Variants in NPSR1 observed in about 807,000 individuals in gnomAD.
The protein encoded by NPSR1 is neuropeptide S receptor 1, also known as neuropeptide S receptor.
In NPSR1, 48 loss-of-function variants were observed where a neutral mutation model predicts 46.9. That is an observed-to-expected ratio of 1.02 (90% CI 0.81 to 1.30). NPSR1 has a LOEUF of 1.30. Among genes scored for constraint, NPSR1 ranks in the 50% most tolerant of loss-of-function variants. NPSR1 has a pLI of 0.00. For synonymous variants in NPSR1, 176 were observed against 168.1 expected (o/e 1.05, Z -0.36); for missense variants, 450 against 449.5 (o/e 1.00, Z -0.01).
Position 34,870,665 on chromosome 7 carries a change from G to A in NPSR1, c.1026-7411G>A, listed in dbSNP as rs143749214. 1.2e-4 allele frequency among the ~76,000 whole-genome samples: 18 copies of A among 151,904 alleles called. No individual in the cohort carries two copies. In the South Asian group the frequency reaches 1.2e-3, roughly 10 times the overall value. The stretch of plus-strand genomic sequence containing the variant: ...GGAAGATATGAGCCACAAGCATGGG[G>A]ATCCCTAGACTGAATTTGCTCAGAA... On this transcript the variant is annotated intron_variant, in intron 8 of 8. Coordinates refer to the NPSR1 transcript ENST00000359791.
chr7:34,820,251 C>A (rs1015995638), intron 4 of NPSR1, among the ~76,000 whole-genome samples: 1 of 152,106 alleles, frequency 6.6e-6, no homozygotes, highest in African/African-American at 2.4e-5. Context: ...AAGTGGTATG[C>A]ATTGGATATG....
chr7:34,833,996 T>A (rs929825217), intron 5 of NPSR1, among the ~76,000 whole-genome samples: 1 of 152,174 alleles, frequency 6.6e-6, no homozygotes, highest in Admixed American at 6.5e-5. Flanking sequence ...AATGCCAGAA[T>A]CAGGGATCAT....
At chr7:34,856,633 A>G (rs1185475383) in intron 8 of NPSR1, among the ~76,000 whole-genome samples, 1 of 151,752 alleles carries the variant, frequency 6.6e-6, no homozygotes, top group East Asian at 1.9e-4. Flanking sequence ...GAAGAAAACA[A>G]TGGTCCAGGA....
At chr7:34,807,144 A>C (rs1788737705) in intron 3 of NPSR1, among the ~76,000 whole-genome samples, 1 of 152,050 alleles carries the variant, frequency 6.6e-6, no homozygotes, top group South Asian at 2.1e-4. Context: ...AGGGTGTTTA[A>C]ATTTCCAAGT....
intron 2 of NPSR1, among the ~76,000 whole-genome samples, chr7:34,731,121 GA>G (rs1466113783): frequency 2.6e-5 from 4 of 151,898 alleles, no homozygotes; most frequent in Non-Finnish European, 5.9e-5. Flanking sequence ...AAATTGTAAA[GA>G]TTTTTTTAAT....
chr7:34,726,712 GA>G, intron 2 of NPSR1, among the ~76,000 whole-genome samples: 1 of 150,302 alleles, frequency 6.7e-6, no homozygotes, highest in Admixed American at 6.7e-5. Context: ...AGATATGAAA[GA>G]AAATTACATG....
rs2128759790 is a variant in NPSR1 at position 34,834,405 on chromosome 7, C to A, written c.702C>A (p.Ile234=). 1 of 1,613,526 alleles carries A rather than the reference C, an allele frequency of 6.2e-7. No individual in the cohort carries two copies. Among genetic ancestry groups the A allele is most frequent in the East Asian group, 2.2e-5 (1 of 44,874 alleles). The change falls in exon 6 of 9, where the codon ATC becomes ATA. Residue 234 remains isoleucine, a synonymous_variant. Transcript: ENST00000360581. The part of the protein sequence containing the change: ...TIISIMYGIV[I]RTIWIKSKTY... ...GCAGCATCATGTATGGCATTGTGAT[C>A]CGAACTATTTGGATTAAAAGCAAAA...
Position 34,825,602 on chromosome 7 carries a change from C to G in NPSR1, c.479-1799C>G, listed in dbSNP as rs372593383. ...CATTTCTGCCAGAGAAAGAGGCCTC[C>G]CTGAAGGTCACCAGGGAGGGTGGAA... is the stretch of plus-strand genomic sequence containing the variant. On this transcript the variant is annotated intron_variant, in intron 4 of 8. Coordinates refer to ENST00000360581, the MANE Select transcript of NPSR1 (RefSeq NM_207172.2). 1.5e-4 allele frequency among the ~76,000 whole-genome samples: 23 copies of G among 152,234 alleles called. No homozygotes were observed. In the East Asian group the frequency reaches 1.9e-3, roughly 13 times the overall value.
chr7:34,792,723 A>ATATGTATATATATATATTTATATATATG (rs1787986173), intron 3 of NPSR1, among the ~76,000 whole-genome samples: 1 of 130,410 alleles, frequency 7.7e-6, no homozygotes, highest in Non-Finnish European at 1.6e-5. Context: ...ATTTATATAT[A>ATATGTATATATATATATTTATATATATG]TATATATATA....
chr7:34,733,381 T>C (rs1784520048), intron 2 of NPSR1, among the ~76,000 whole-genome samples: 1 of 145,244 alleles, frequency 6.9e-6, no homozygotes, highest in Non-Finnish European at 1.5e-5. Context: ...ATCACGCCAC[T>C]GCACTCCACC....
At chr7:34,673,559 T>C (rs1001797451) in intron 1 of NPSR1, among the ~76,000 whole-genome samples, 1 of 152,144 alleles carries the variant, frequency 6.6e-6, no homozygotes, top group Non-Finnish European at 1.5e-5. Flanking sequence ...CACTCTCCAA[T>C]TCAACAGGCC....
intron 5 of NPSR1, among the ~76,000 whole-genome samples, chr7:34,828,613 G>T (rs1223904677): frequency 6.6e-6 from 1 of 152,146 alleles, no homozygotes; most frequent in East Asian, 1.9e-4. Context: ...CTGCCATAGT[G>T]TGTCATATAA....
intron 5 of NPSR1, chr7:34,834,143 G>T: frequency 1.9e-6 from 1 of 527,204 alleles, no homozygotes; most frequent in South Asian, 2.9e-5. Flanking sequence ...CTACCTTGAG[G>T]AAACTGCATA....
At chr7:34,745,066 G>A (rs889792698) in intron 2 of NPSR1, among the ~76,000 whole-genome samples, 1 of 152,108 alleles carries the variant, frequency 6.6e-6, no homozygotes, top group African/African-American at 2.4e-5. Context: ...AGGGATTTTG[G>A]TATCCATGGA....
chr7:34,791,142 TA>T lies in NPSR1; in HGVS notation c.384+12578del, dbSNP rs1562731085. 1.9e-4 allele frequency among the ~76,000 whole-genome samples: 24 copies of T among 124,822 alleles called. 2 individuals carry two copies. Among genetic ancestry groups the T allele is most frequent in the East Asian group, 4.4e-4 (2 of 4,544 alleles). 81.9% of individuals were successfully genotyped at this position (124,822 alleles called of 152,430 possible). On this transcript the variant is annotated intron_variant, in intron 3 of 8. Transcript: ENST00000360581. ...TATAATATATATGTTATATATTATA[TA>T]TAATATGTTATATATTATATATGTT...
intron 2 of NPSR1, chr7:34,711,002 G>A: frequency 5.7e-6 from 2 of 349,616 alleles, no homozygotes; most frequent in East Asian, 7.5e-5. Flanking sequence ...CCACTTCTAT[G>A]TACCTGCAGA....
At chr7:34,683,301 G>C (rs545623156) in intron 1 of NPSR1, among the ~76,000 whole-genome samples, 1 of 151,802 alleles carries the variant, frequency 6.6e-6, no homozygotes, top group African/African-American at 2.4e-5. Flanking sequence ...AAAAAAATTC[G>C]CCGGGCGTGG....
intron 2 of NPSR1, among the ~76,000 whole-genome samples, chr7:34,714,493 T>C (rs184805531): frequency 2.6e-4 from 40 of 152,278 alleles, no homozygotes; most frequent in African/African-American, 8.2e-4. Context: ...AATAAGTCAA[T>C]CCAATGGTGC....
chr7:34,727,861 C>G (rs1784237882), intron 2 of NPSR1, among the ~76,000 whole-genome samples: 1 of 152,090 alleles, frequency 6.6e-6, no homozygotes. Flanking sequence ...GTGAGTGTAA[C>G]TGCCATTCTC....
Sources: gnomAD v4.1 joint callset for allele counts (sites outside exome capture counted in the v4.1 genomes callset) on GRCh38, gnomAD v4.1.1 for gene constraint, MANE v1.5 for transcripts, NCBI Gene and HGNC (gene_info 2026-07-23, HGNC 2026-07-21) for gene names.